Variants in PRKCE observed in about 807,000 individuals in gnomAD.
PRKCE encodes the protein protein kinase C epsilon type.
PRKCE carries 16 observed loss-of-function variants against 85.4 expected under a neutral mutation model. The ratio of observed to expected loss-of-function variants is 0.19; its 90% CI spans 0.13 to 0.28. The LOEUF (loss-of-function observed/expected upper bound fraction) is 0.28. PRKCE is among the 10% of genes least tolerant of loss of function. The pLI, the probability that PRKCE is intolerant of heterozygous loss-of-function variation, is 1.00. For missense variants in PRKCE, 573 were observed against 975.2 expected, an observed-to-expected ratio of 0.59 and a Z score of 5.49; for synonymous variants, 388 against 371.5, an observed-to-expected ratio of 1.04 and a Z score of -0.51.
intron 7 of PRKCE, among the ~76,000 whole-genome samples, chr2:46,003,376 C>A (rs1704872106): frequency 6.6e-6 from 1 of 152,212 alleles, no homozygotes; most frequent in Non-Finnish European, 1.5e-5. Flanking sequence ...TTAATGGAGA[C>A]TCAAAGTGGA....
chr2:46,075,278 C>T (rs964116369), intron 10 of PRKCE, among the ~76,000 whole-genome samples: 4 of 151,864 alleles, frequency 2.6e-5, no homozygotes, highest in Admixed American at 6.6e-5. Flanking sequence ...CCTCGTGATC[C>T]GCCCACCTCG....
At chr2:45,948,678 A>G (rs1464917672) in intron 2 of PRKCE, among the ~76,000 whole-genome samples, 2 of 152,198 alleles carry the variant, frequency 1.3e-5, no homozygotes, top group Non-Finnish European at 2.9e-5. Context: ...TTGACGAAAT[A>G]AAACATCAGA....
At chr2:46,089,779 C>T (rs1258587729) in intron 11 of PRKCE, among the ~76,000 whole-genome samples, 2 of 152,046 alleles carry the variant, frequency 1.3e-5, no homozygotes, top group Non-Finnish European at 2.9e-5. Context: ...AGACACCCTA[C>T]TGTTAACAGG....
intron 2 of PRKCE, among the ~76,000 whole-genome samples, chr2:45,924,645 C>T (rs1698483217): frequency 6.6e-6 from 1 of 152,164 alleles, no homozygotes; most frequent in Non-Finnish European, 1.5e-5. Flanking sequence ...GGGGTTACCA[C>T]ACATAAACAT....
At position 45,843,029 on chromosome 2, in the gene PRKCE, T is replaced by C. The variant is rs750316645; in HGVS notation, c.378T>C (p.Tyr126=). Residue 126 remains tyrosine, a synonymous_variant, in exon 2 of 15, where the codon TAT becomes TAC. Transcript: ENST00000306156. ...ATCTGGAGCCAGAAGGAAGAGTGTA[T>C]GTGATCATCGATCTCTCAGGGTCGT... ...WIDLEPEGRV[Y]VIIDLSGSSG... 6.2e-6 allele frequency: 10 copies of C among 1,614,110 alleles called. No homozygotes were observed. The highest frequency in any genetic ancestry group is 3.4e-6 in the Non-Finnish European group (4 of 1,180,048).
In PRKCE at chr2:46,145,346, A is replaced by G. The variant is rs1039890418; in HGVS notation, c.1731+115A>G. The G allele has an allele frequency of 1.4e-6, 2 of 1,380,330 alleles. No homozygotes were observed. Among genetic ancestry groups the G allele is most frequent in the African/African-American group, 1.4e-5 (1 of 69,610 alleles). The allele number at this position is 1,380,330 out of a possible 1,614,324, so 85.5% of individuals were successfully genotyped here. ...TGGGGGAAGGCTCTGGAAATCCAGG[A>G]TGGATTCTAGGAAGGAGGGAGAAAA... is the stretch of plus-strand genomic sequence containing the variant. On this transcript the variant is annotated intron_variant, in intron 12 of 14. Coordinates refer to ENST00000306156, the MANE Select transcript of PRKCE (RefSeq NM_005400.3). The surrounding 1 kb of genome is among the most constrained non-coding windows in gnomAD (Gnocchi z 4.6).
At chr2:46,129,225 G>C (rs1370607857) in intron 11 of PRKCE, among the ~76,000 whole-genome samples, 1 of 152,192 alleles carries the variant, frequency 6.6e-6, no homozygotes, top group Non-Finnish European at 1.5e-5. Context: ...AGTGAGCACA[G>C]GGTCTTCATG....
chr2:46,128,741 G>C (rs1674116416), intron 11 of PRKCE, among the ~76,000 whole-genome samples: 1 of 152,130 alleles, frequency 6.6e-6, no homozygotes, highest in Admixed American at 6.5e-5. Flanking sequence ...AGGTTGATAA[G>C]CCAATGAAGT....
intron 1 of PRKCE, among the ~76,000 whole-genome samples, chr2:45,672,357 T>A (rs928061557): frequency 2.6e-5 from 4 of 152,038 alleles, no homozygotes; most frequent in African/African-American, 4.8e-5. Flanking sequence ...TCTTCATTCA[T>A]CCATTCATTC....
At chr2:45,919,176 C>G (rs1051602755) in intron 2 of PRKCE, among the ~76,000 whole-genome samples, 1 of 152,130 alleles carries the variant, frequency 6.6e-6, no homozygotes, top group Admixed American at 6.5e-5. Context: ...GTGGGGTAGA[C>G]AGAGGGGAAA....
At chr2:46,148,134 C>G (rs897944744) in intron 12 of PRKCE, among the ~76,000 whole-genome samples, 3 of 152,240 alleles carry the variant, frequency 2.0e-5, no homozygotes, top group African/African-American at 7.2e-5. Context: ...ATGGCACCCC[C>G]TCTGCTTTCC....
intron 13 of PRKCE, among the ~76,000 whole-genome samples, chr2:46,157,340 A>G (rs763067931): frequency 6.6e-6 from 1 of 152,122 alleles, no homozygotes; most frequent in Non-Finnish European, 1.5e-5. Context: ...CCAGCATACC[A>G]GCTGAGCCCT....
At chr2:46,055,027 T>G (rs1410325791) in intron 10 of PRKCE, among the ~76,000 whole-genome samples, 3 of 151,936 alleles carry the variant, frequency 2.0e-5, no homozygotes, top group African/African-American at 7.3e-5. Context: ...CTCAATAAAA[T>G]CCCCCACATT....
At chr2:46,085,903 A>G (rs1669592517) in intron 10 of PRKCE, among the ~76,000 whole-genome samples, 1 of 152,140 alleles carries the variant, frequency 6.6e-6, no homozygotes. Context: ...CCAAGATCAC[A>G]CTTCCAGATG....
At chr2:46,135,171 G>A (rs1474437314) in intron 11 of PRKCE, among the ~76,000 whole-genome samples, 2 of 152,174 alleles carry the variant, frequency 1.3e-5, no homozygotes, top group Non-Finnish European at 2.9e-5. Flanking sequence ...CTCCAGTTGA[G>A]AGGACATCTA....
Position 46,145,506 on chromosome 2 carries a change from T to G in PRKCE, c.1731+275T>G, listed in dbSNP as rs1228833228. ...ACTGAACATCTCTTTCCCATCCTAGTCCAGAACCACCAATAAATCTAGGAC... is the reference window on the plus strand; with the variant it reads ...ACTGAACATCTCTTTCCCATCCTAGGCCAGAACCACCAATAAATCTAGGAC... On this transcript the variant is annotated intron_variant, in intron 12 of 14. Transcript: ENST00000306156. The surrounding 1 kb of genome is among the most constrained non-coding windows in gnomAD (Gnocchi z 4.6). Among the ~76,000 whole-genome samples the G allele has an allele frequency of 6.6e-6, 1 of 152,186 alleles. No individual in the cohort carries two copies. Among genetic ancestry groups the G allele is most frequent in the African/African-American group, 2.4e-5 (1 of 41,434 alleles).
At chr2:45,702,195 AC>A (rs1678703359) in intron 1 of PRKCE, among the ~76,000 whole-genome samples, 1 of 152,154 alleles carries the variant, frequency 6.6e-6, no homozygotes, top group South Asian at 2.1e-4. Context: ...TCAAAAAACA[AC>A]GACAACAACA....
chr2:46,068,185 T>G lies in PRKCE; in HGVS notation c.1438-18023T>G, dbSNP rs1368092920. 6.6e-6 allele frequency among the ~76,000 whole-genome samples: 1 copy of G among 152,100 alleles called. No individual in the cohort carries two copies. Among genetic ancestry groups the G allele is most frequent in the Non-Finnish European group, 1.5e-5 (1 of 68,002 alleles). ...TAGTATAAACCTTAGCTGGTCTGTA[T>G]CCAGGATGAAAAAAATAATCTATTT... is the stretch of plus-strand genomic sequence containing the variant. On this transcript the variant is annotated intron_variant, in intron 10 of 14. Transcript: ENST00000306156. This position sits in a 1 kb window ranked among gnomAD's most constrained non-coding sequence, Gnocchi z 4.3.
At chr2:46,121,298 G>A (rs992668087) in intron 11 of PRKCE, among the ~76,000 whole-genome samples, 5 of 152,254 alleles carry the variant, frequency 3.3e-5, no homozygotes, top group African/African-American at 1.2e-4. Context: ...TGGTGCACCC[G>A]TTGTAAAGTA....
Sources: gnomAD v4.1 joint callset for allele counts (sites outside exome capture counted in the v4.1 genomes callset) on GRCh38, gnomAD v4.1.1 for gene constraint, Gnocchi (gnomAD v3.1) non-coding constraint, MANE v1.5 for transcripts, NCBI Gene and HGNC (gene_info 2026-07-23, HGNC 2026-07-21) for gene names.